Variants in NELFB observed in about 807,000 individuals in gnomAD.
NELFB encodes the protein negative elongation factor complex member B, also known as negative elongation factor B.
NELFB carries 34 observed loss-of-function variants against 60.2 expected under a neutral mutation model. The ratio of observed to expected loss-of-function variants is 0.56; its 90% CI spans 0.43 to 0.75. NELFB has a LOEUF of 0.75. Ranked by LOEUF, NELFB falls within the 30% of genes least tolerant of loss-of-function variation. NELFB has a pLI of 0.00. For synonymous variants in NELFB, 459 were observed against 382.1 expected (o/e 1.20, Z -2.35); for missense variants, 770 against 831.6 (o/e 0.93, Z 0.91).
intron 3 of NELFB, 44 bp downstream of exon 3, chr9:137,256,472 A>T (rs1314723871): frequency 6.4e-7 from 1 of 1,551,416 alleles, no homozygotes; most frequent in Non-Finnish European, 8.9e-7. Flanking sequence ...CCGTCCGCCC[A>T]CTCTCATGCC....
intron 4 of NELFB, among the ~76,000 whole-genome samples, chr9:137,257,427 A>T (rs538017609): frequency 1.7e-4 from 25 of 148,882 alleles, no homozygotes; most frequent in African/African-American, 6.0e-4. Flanking sequence ...GGTTCACTCC[A>T]TTCTCCTGCC....
In NELFB at chr9:137,268,015, TCCTG is replaced by T. The variant is rs1830540680; in HGVS notation, c.1489+670_1489+673del. Among the ~76,000 whole-genome samples the T allele has an allele frequency of 2.0e-5, 3 of 152,162 alleles. No individual in the cohort carries two copies. In the South Asian group the frequency reaches 6.2e-4, roughly 32 times the overall value. On this transcript the variant is annotated intron_variant, in intron 10 of 12. Coordinates refer to ENST00000343053, the MANE Select transcript of NELFB (RefSeq NM_015456.5). ...CCCAGGTGGTGACAGGCCCACTTCC[TCCTG>T]GGGGCCTTGACGGGGGAGGGGTTGT... is the stretch of plus-strand genomic sequence containing the variant.
At chr9:137,258,514 T>C (rs559138457) in intron 4 of NELFB, among the ~76,000 whole-genome samples, 32 of 150,890 alleles carry the variant, frequency 2.1e-4, no homozygotes, top group Non-Finnish European at 4.4e-4. Context: ...AGGGCCTCAA[T>C]CTCGGCTCAC....
intron 12 of NELFB, 37 bp from the exon 13 acceptor site, chr9:137,272,745 A>G (rs759289922): frequency 4.6e-6 from 7 of 1,523,362 alleles, no homozygotes; most frequent in Non-Finnish European, 6.2e-6. Context: ...GGGCCTGCCC[A>G]TGCGCCTCGC....
In NELFB at chr9:137,265,899, G is replaced by A. The variant is rs762417347; in HGVS notation, c.1063G>A (p.Asp355Asn). The A allele has an allele frequency of 1.2e-6, 2 of 1,612,958 alleles. No homozygotes were observed. Among genetic ancestry groups the A allele is most frequent in the Non-Finnish European group, 1.7e-6 (2 of 1,179,844 alleles). ...CAGGGACCTGTCCATGATCCTGTGT[G>A]ACCCCTTCGCCATCAACACGCTGGC... Residue 355 changes from aspartate to asparagine, a missense_variant, in exon 7 of 13, where the codon GAC (aspartate) becomes AAC (asparagine). Asp to Asn is a conservative substitution (Grantham distance 23, BLOSUM62 1). Coordinates refer to ENST00000343053, the MANE Select transcript of NELFB (RefSeq NM_015456.5).
rs1239853474 is a variant in NELFB at position 137,272,928 on chromosome 9, A to C, written c.1887A>C (p.Ter629CysextTer79). 6.6e-7 allele frequency: 1 copy of C among 1,525,824 alleles called. No individual in the cohort carries two copies. Among genetic ancestry groups the C allele is most frequent in the Non-Finnish European group, 8.8e-7 (1 of 1,133,524 alleles). 94.5% of individuals were successfully genotyped at this position (1,525,824 alleles called of 1,614,324 possible). ...GCGTGCCCGCCCCTGCCCCGCTCTG[A>C]GGGCCCTCCAGACCTGCTCGGGTGC... The change falls in exon 13 of 13, where the codon TGA (stop) becomes TGC (cysteine). Residue 629 changes from the stop codon to cysteine (C), a stop_lost. Coordinates refer to ENST00000343053, the MANE Select transcript of NELFB (RefSeq NM_015456.5).
At position 137,269,276 on chromosome 9, in the gene NELFB, A is replaced by T. The variant is rs1830554767; in HGVS notation, c.1489+1930A>T. On this transcript the variant is annotated intron_variant, in intron 10 of 12. Transcript: ENST00000343053. This position sits in a 1 kb window ranked among gnomAD's most constrained non-coding sequence, Gnocchi z 5.3. The stretch of plus-strand genomic sequence containing the variant: ...GTTGCTGGAACGAATGACCACAGAC[A>T]GTGGCATTAGACAGCGCAGGCAGAC... Among the ~76,000 whole-genome samples the T allele has an allele frequency of 6.6e-6, 1 of 152,094 alleles. No individual in the cohort carries two copies. The highest frequency in any genetic ancestry group is 2.1e-4 in the South Asian group (1 of 4,816).
chr9:137,259,847 CCCAAGTA>C (rs998638641), intron 4 of NELFB, among the ~76,000 whole-genome samples: 2 of 149,640 alleles, frequency 1.3e-5, no homozygotes, highest in Non-Finnish European at 3.0e-5. Context: ...GCCTCAGCCT[CCCAAGTA>C]GCTGGGACTA....
chr9:137,267,419 C>A, intron 10 of NELFB, 73 bp downstream of exon 10: 1 of 1,415,534 alleles, frequency 7.1e-7, no homozygotes, highest in South Asian at 1.3e-5. Context: ...GCCCAGGGTG[C>A]GGGCCCCAGG....
chr9:137,271,531 G>A (rs921211928), intron 10 of NELFB, among the ~76,000 whole-genome samples: 2 of 152,272 alleles, frequency 1.3e-5, no homozygotes, highest in African/African-American at 4.8e-5. Context: ...TCGCACGTGA[G>A]GCGTCTGTGG....
chr9:137,270,020 G>A (rs1367909568), intron 10 of NELFB, among the ~76,000 whole-genome samples: 2 of 152,124 alleles, frequency 1.3e-5, no homozygotes, highest in African/African-American at 4.8e-5. Flanking sequence ...ACGAAGTCAA[G>A]AGCATGGTAC....
chr9:137,266,796 G>A, intron 8 of NELFB, 148 bp from the exon 9 acceptor site: 1 of 936,136 alleles, frequency 1.1e-6, no homozygotes, highest in East Asian at 2.6e-5. Context: ...TCGGGAGGTG[G>A]GAAGAGGGAC....
At chr9:137,257,685 A>G (rs1298430506) in intron 4 of NELFB, among the ~76,000 whole-genome samples, 4 of 151,992 alleles carry the variant, frequency 2.6e-5, no homozygotes, top group African/African-American at 9.7e-5. Context: ...TATTTTTAGT[A>G]GAGATGGGAT....
rs781205002 is a variant in NELFB at position 137,269,023 on chromosome 9, C to T, written c.1489+1677C>T. Reference sequence around the variant, plus strand: ...AACGCTTTGGTGAGGACGGAGCCCTCACGACCTCAGCAGTGTTGCGTTGGG... The same window carrying T: ...AACGCTTTGGTGAGGACGGAGCCCTTACGACCTCAGCAGTGTTGCGTTGGG... On this transcript the variant is annotated intron_variant, in intron 10 of 12. Transcript: ENST00000343053. This position sits in a 1 kb window ranked among gnomAD's most constrained non-coding sequence, Gnocchi z 5.3. Among the ~76,000 whole-genome samples, 47 of 152,034 alleles carry T rather than the reference C, an allele frequency of 3.1e-4. No individual in the cohort carries two copies. Among genetic ancestry groups the T allele is most frequent in the Non-Finnish European group, 5.7e-4 (39 of 68,030 alleles).
rs1375814825 is a variant in NELFB, at chr9:137,264,185, C to T, written c.928-60C>T. On this transcript the variant is annotated intron_variant, in intron 5 of 12. Transcript: ENST00000343053. Reference sequence around the variant, plus strand: ...CAGGGCCTGGAGCTGTGTTTGGGGCCTGGGTCTCTGGTCATCCTGGGAGGT... The same window carrying T: ...CAGGGCCTGGAGCTGTGTTTGGGGCTTGGGTCTCTGGTCATCCTGGGAGGT... 51 of 1,342,270 alleles carry T rather than the reference C, an allele frequency of 3.8e-5. 1 individual carries two copies. The highest frequency in any genetic ancestry group is 5.2e-5 in the Non-Finnish European group (50 of 963,800). The allele number at this position is 1,342,270 out of a possible 1,614,324, so 83.1% of individuals were successfully genotyped here.
chr9:137,259,095 G>A (rs1313297928), intron 4 of NELFB, among the ~76,000 whole-genome samples: 1 of 152,194 alleles, frequency 6.6e-6, no homozygotes, highest in Non-Finnish European at 1.5e-5. Flanking sequence ...GGAGGCTGAA[G>A]CAGGAGGATT....
intron 4 of NELFB, among the ~76,000 whole-genome samples, chr9:137,259,759 C>T (rs1830404411): frequency 6.6e-6 from 1 of 150,928 alleles, no homozygotes. Context: ...GAGTCTTGCT[C>T]TGTCACCCAG....
At position 137,270,900 on chromosome 9, in the gene NELFB, C is replaced by T. The variant is rs1185823949; in HGVS notation, c.1490-1181C>T. Reference sequence around the variant, plus strand: ...CACCGCTGCACTCCAGCCTGGCTAACAGAGTGAGACTCTTCTCAAAAAAAA... The same window carrying T: ...CACCGCTGCACTCCAGCCTGGCTAATAGAGTGAGACTCTTCTCAAAAAAAA... On this transcript the variant is annotated intron_variant, in intron 10 of 12. Transcript: ENST00000343053. 7.9e-5 allele frequency among the ~76,000 whole-genome samples: 12 copies of T among 152,368 alleles called. 1 individual carries two copies. The South Asian group carries it at 1.4e-3, about 18-fold the overall frequency.
At chr9:137,261,817 G>A (rs1035078404) in intron 4 of NELFB, among the ~76,000 whole-genome samples, 4 of 151,956 alleles carry the variant, frequency 2.6e-5, no homozygotes, top group African/African-American at 7.3e-5. Context: ...CCACCAAGAC[G>A]CGGAGACTGG....
Sources: allele counts gnomAD v4.1 joint callset (sites outside exome capture counted in the v4.1 genomes callset), GRCh38; gene constraint gnomAD v4.1.1; non-coding constraint Gnocchi (gnomAD v3.1); transcripts MANE v1.5; gene names NCBI Gene and HGNC (gene_info 2026-07-23, HGNC 2026-07-21).